The following LARP7 variants were observed in gnomAD, a reference collection of about 807,000 sequenced individuals.
LARP7 encodes La ribonucleoprotein 7, transcriptional regulator, also known as la-related protein 7.
A neutral mutation model predicts 69.3 loss-of-function variants in LARP7; 52 were observed. That is an observed-to-expected ratio of 0.75 (90% CI 0.60 to 0.95). LARP7 has a LOEUF of 0.95. LARP7 is among the 40% of genes least tolerant of loss of function. LARP7 has a pLI of 0.00. For missense variants in LARP7, 733 were observed against 673.0 expected (o/e 1.09, Z -0.99); for synonymous variants, 254 against 215.9 (o/e 1.18, Z -1.55).
At chr4:112,652,474 AG>A (rs1432245962) in intron 10 of LARP7, among the ~76,000 whole-genome samples, 1 of 152,146 alleles carries the variant, frequency 6.6e-6, no homozygotes, top group Non-Finnish European at 1.5e-5. Flanking sequence ...CACAGCAGGC[AG>A]TGTAGGTAAA....
Position 112,647,839 on chromosome 4 carries a change from G to A in LARP7, c.1142+5G>A, listed in dbSNP as rs763050541. 3.8e-6 allele frequency: 6 copies of A among 1,573,282 alleles called. No homozygotes were observed. Among genetic ancestry groups the A allele is most frequent in the Non-Finnish European group, 5.2e-6 (6 of 1,148,454 alleles). On this transcript the variant is annotated splice_donor_5th_base_variant and intron_variant, in intron 8 of 12. Coordinates refer to ENST00000344442, the MANE Select transcript of LARP7 (RefSeq NM_016648.4). Reference sequence around the variant, plus strand: ...ACCATTAAGAGTGCTATCAAAGTAAGTCTGTGGTTTAAATTCTGTCATTGG... The same window carrying A: ...ACCATTAAGAGTGCTATCAAAGTAAATCTGTGGTTTAAATTCTGTCATTGG...
intron 12 of LARP7, among the ~76,000 whole-genome samples, chr4:112,655,671 C>A (rs1199105450): frequency 2.0e-5 from 3 of 152,176 alleles, no homozygotes; most frequent in Admixed American, 6.5e-5. Context: ...CCCCTACTTT[C>A]ATGAAGCTAA....
chr4:112,638,382 G>A (rs897167034), intron 1 of LARP7, among the ~76,000 whole-genome samples: 2 of 152,196 alleles, frequency 1.3e-5, no homozygotes, highest in Non-Finnish European at 2.9e-5. Flanking sequence ...TTGGTGTCTT[G>A]TCTGACTCAC....
At chr4:112,641,853 T>C (rs949435816) in intron 1 of LARP7, among the ~76,000 whole-genome samples, 3 of 152,116 alleles carry the variant, frequency 2.0e-5, no homozygotes, top group Non-Finnish European at 2.9e-5. Context: ...AGTTGAATAT[T>C]GGAATGGGGA....
In LARP7 at chr4:112,653,215, T is replaced by G. The variant is rs1044070452; in HGVS notation, c.1555T>G (p.Trp519Gly). 3.8e-6 allele frequency: 6 copies of G among 1,587,688 alleles called. No individual in the cohort carries two copies. In the African/African-American group the frequency reaches 6.8e-5, roughly 18 times the overall value. Reference sequence around the variant, plus strand: ...TACAGAAATTAACAAGAAACACTGCTGGAAACTCGAGATCCTTTCTGGTAA... The same window carrying G: ...TACAGAAATTAACAAGAAACACTGCGGGAAACTCGAGATCCTTTCTGGTAA... ...AYTEINKKHCWKLEILSGDHE... is the reference protein window; with the variant it reads ...AYTEINKKHCGKLEILSGDHE... The change falls in exon 11 of 13, where the codon TGG becomes GGG. Residue 519 changes from tryptophan (W) to glycine (G), a missense_variant. Physicochemically the swap from Trp to Gly is radical, Grantham distance 184. Transcript: ENST00000344442.
At chr4:112,653,521 G>T (rs996288837) in intron 11 of LARP7, among the ~76,000 whole-genome samples, 3 of 152,014 alleles carry the variant, frequency 2.0e-5, no homozygotes, top group Admixed American at 6.6e-5. Context: ...TTTCGCTCTT[G>T]TTGCCCAGGC....
rs905871070 is a variant in LARP7 at position 112,637,194 on chromosome 4, T to G, written c.-48T>G. On this transcript the variant is annotated 5_prime_UTR_variant, in exon 1 of 13. Transcript: ENST00000344442. The stretch of plus-strand genomic sequence containing the variant: ...CTATCAGGATCCGGAGACGGAAATG[T>G]CCGAAGGCCGCAGTACTTGACCCTG... The G allele has an allele frequency of 1.3e-5, 2 of 152,160 alleles. No individual in the cohort carries two copies. The highest frequency in any genetic ancestry group is 1.9e-4 in the East Asian group (1 of 5,190). The allele number at this position is 152,160 out of a possible 1,614,324, so 9.4% of individuals were successfully genotyped here. A position where few individuals can be genotyped will look rare whatever the true frequency, so the allele number is the denominator to read the frequency against.
At chr4:112,645,994 A>G (rs2048194228) in intron 2 of LARP7, among the ~76,000 whole-genome samples, 1 of 134,480 alleles carries the variant, frequency 7.4e-6, no homozygotes, top group African/African-American at 3.3e-5. Flanking sequence ...ACCCTCATAC[A>G]GTTTTTTTTT....
chr4:112,653,916 CTA>C (rs754160619), intron 11 of LARP7, 150 bp from the exon 12 acceptor site: 6 of 600,354 alleles, frequency 1.0e-5, no homozygotes, highest in Non-Finnish European at 1.4e-5. Context: ...GCAAAACTAA[CTA>C]TTTTTTTTCT....
At chr4:112,647,581 T>A (rs778892987) in intron 7 of LARP7, 32 bp downstream of exon 7, 4 of 1,275,810 alleles carry the variant, frequency 3.1e-6, no homozygotes, top group Non-Finnish European at 4.3e-6. Context: ...TAGATAAAAC[T>A]AATTAATTTT....
intron 12 of LARP7, chr4:112,654,382 A>G: frequency 7.1e-6 from 3 of 424,430 alleles, no homozygotes; most frequent in Non-Finnish European, 1.3e-5. Context: ...ATTTTAATTT[A>G]GATTTTTTCT....
At chr4:112,646,762 ACT>A (rs1381166637) in intron 4 of LARP7, 27 bp from the exon 5 acceptor site, 11 of 1,558,764 alleles carry the variant, frequency 7.1e-6, no homozygotes, top group South Asian at 3.6e-5. Context: ...ATTGTGAAAA[ACT>A]CTAATATTGC....
At position 112,645,907 on chromosome 4, in the gene LARP7, T is replaced by A. The variant is rs976577192; in HGVS notation, c.203-444T>A. On this transcript the variant is annotated intron_variant, in intron 2 of 12. Coordinates refer to ENST00000344442, the MANE Select transcript of LARP7 (RefSeq NM_016648.4). ...GAATGTCTGGGTATTGCTAATAATT[T>A]GTGTTCAAATCTTAATCTGCAGTTA... Among the ~76,000 whole-genome samples the A allele has an allele frequency of 2.4e-4, 37 of 152,120 alleles. 1 individual carries two copies. Among genetic ancestry groups the A allele is most frequent in the Admixed American group, 2.3e-3 (35 of 15,264 alleles).
At chr4:112,644,380 G>A in intron 1 of LARP7, 1 of 608,980 alleles carries the variant, frequency 1.6e-6, no homozygotes, top group Non-Finnish European at 2.4e-6. Context: ...TGACTTAAAA[G>A]TGCAGCTTAG....
intron 1 of LARP7, among the ~76,000 whole-genome samples, chr4:112,638,623 C>T (rs1055505179): frequency 7.2e-5 from 11 of 152,162 alleles, no homozygotes; most frequent in Non-Finnish European, 1.2e-4. Context: ...TACAGTCAAG[C>T]ACCACATACC....
chr4:112,646,341 T>G lies in LARP7; in HGVS notation c.203-10T>G. On this transcript the variant is annotated splice_polypyrimidine_tract_variant and intron_variant, in intron 2 of 12. Coordinates refer to ENST00000344442, the MANE Select transcript of LARP7 (RefSeq NM_016648.4). ...ATACACTAACATATTAACTTTTTCA[T>G]TTTCTTTAGATGTTGATATATCACT... is the stretch of plus-strand genomic sequence containing the variant. 1 of 1,313,946 alleles carries G rather than the reference T, an allele frequency of 7.6e-7. No homozygotes were observed. Among genetic ancestry groups the G allele is most frequent in the Non-Finnish European group, 1.1e-6 (1 of 919,462 alleles). 81.4% of individuals were successfully genotyped at this position (1,313,946 alleles called of 1,614,324 possible).
Position 112,653,091 on chromosome 4 carries a change from A to G in LARP7, c.1431A>G (p.Ala477=). 1 of 1,588,722 alleles carries G rather than the reference A, an allele frequency of 6.3e-7. No homozygotes were observed. Among genetic ancestry groups the G allele is most frequent in the South Asian group, 1.2e-5 (1 of 85,588 alleles). Reference sequence around the variant, plus strand: ...CTCTAATGCAGGATACTTTGGCAGCAATCTCAGAAGTTCTTTATGTTGATT... The same window carrying G: ...CTCTAATGCAGGATACTTTGGCAGCGATCTCAGAAGTTCTTTATGTTGATT... ...GRKQVRDTLA[A]ISEVLYVDLL... is the part of the protein sequence containing the mutation. The change falls in exon 11 of 13, where the codon GCA becomes GCG. Residue 477 remains alanine (A), a synonymous_variant. Transcript: ENST00000344442.
In LARP7 at chr4:112,650,437, T is replaced by A. The variant is rs372455384; in HGVS notation, c.1295-24T>A. On this transcript the variant is annotated intron_variant, in intron 9 of 12. Transcript: ENST00000344442. ...TTGTTAAGTGTAAGAGATTTAGTCC[T>A]GGTCTTTTTCCTTTTCTAATCAGCA... 93 of 1,612,884 alleles carry A rather than the reference T, an allele frequency of 5.8e-5. No homozygotes were observed. In the African/African-American group the frequency reaches 1.2e-3, roughly 20 times the overall value.
chr4:112,650,579 C>A lies in LARP7; in HGVS notation c.1413C>A (p.Val471=). 6.2e-7 allele frequency: 1 copy of A among 1,612,516 alleles called. No individual in the cohort carries two copies. The highest frequency in any genetic ancestry group is 8.5e-7 in the Non-Finnish European group (1 of 1,179,196). Reference sequence around the variant, plus strand: ...AGCCTCTACCTGGCAGGAAACAAGTCCGGGTAATGATTTTGAGCCCCTAGG... The same window carrying A: ...AGCCTCTACCTGGCAGGAAACAAGTACGGGTAATGATTTTGAGCCCCTAGG... The part of the protein sequence containing the change: ...STEPLPGRKQ[V]RDTLAAISEV... The change falls in exon 10 of 13, where the codon GTC becomes GTA. Residue 471 remains valine, a synonymous_variant. Transcript: ENST00000344442.
Sources: gnomAD v4.1 joint callset for allele counts (sites outside exome capture counted in the v4.1 genomes callset) on GRCh38, gnomAD v4.1.1 for gene constraint, MANE v1.5 for transcripts, NCBI Gene and HGNC (gene_info 2026-07-23, HGNC 2026-07-21) for gene names.